Variants in NTM observed in about 807,000 individuals in gnomAD.
NTM encodes the protein neurotrimin.
A neutral mutation model predicts 42.1 loss-of-function variants in NTM; 13 were observed. That is an observed-to-expected ratio of 0.31 (90% CI 0.20 to 0.49). NTM has a LOEUF of 0.49. Ranked by LOEUF, NTM falls within the 20% of genes least tolerant of loss-of-function variation. NTM has a pLI of 0.99. For synonymous variants in NTM, 187 were observed against 179.2 expected, an observed-to-expected ratio of 1.04 and a Z score of -0.35; for missense variants, 373 against 452.8, an observed-to-expected ratio of 0.82 and a Z score of 1.60.
chr11:131,836,698 T>C (rs2043541856), intron 1 of NTM, among the ~76,000 whole-genome samples: 1 of 152,186 alleles, frequency 6.6e-6, no homozygotes, highest in Non-Finnish European at 1.5e-5. Flanking sequence ...TTGTTTACTT[T>C]AAATATGTGA....
chr11:131,566,451 C>G (rs199504636), intron 1 of NTM, among the ~76,000 whole-genome samples: 3 of 148,200 alleles, frequency 2.0e-5, no homozygotes, highest in East Asian at 4.0e-4. Flanking sequence ...GTGTGTGTGT[C>G]TGTGTGTGTG....
chr11:131,868,339 T>A (rs751413470), intron 1 of NTM, among the ~76,000 whole-genome samples: 2 of 152,102 alleles, frequency 1.3e-5, no homozygotes, highest in African/African-American at 4.8e-5. Context: ...TCCTGTCCAG[T>A]ACAGTCTTTG....
At position 132,170,867 on chromosome 11, in the gene NTM, A is replaced by G. The variant is rs2076016483; in HGVS notation, c.400+24353A>G. Among the ~76,000 whole-genome samples the G allele has an allele frequency of 2.6e-5, 4 of 152,312 alleles. No individual in the cohort carries two copies. The South Asian group carries it at 8.3e-4, about 32-fold the overall frequency. Reference sequence around the variant, plus strand: ...TTGGGAATAGGAAAATGAGTGATAAATGGTCCTTGACCTCATGATGGGGAT... The same window carrying G: ...TTGGGAATAGGAAAATGAGTGATAAGTGGTCCTTGACCTCATGATGGGGAT... On this transcript the variant is annotated intron_variant, in intron 3 of 8. Transcript: ENST00000683400.
chr11:131,932,069 G>A (rs1390839135), intron 2 of NTM, among the ~76,000 whole-genome samples: 1 of 152,196 alleles, frequency 6.6e-6, no homozygotes, highest in East Asian at 1.9e-4. Context: ...GGCAACGTCA[G>A]GTTCAATTTT....
intron 1 of NTM, among the ~76,000 whole-genome samples, chr11:131,378,219 C>T (rs1278017564): frequency 2.0e-5 from 3 of 152,186 alleles, no homozygotes; most frequent in African/African-American, 7.2e-5. Context: ...CCTCTAAAGC[C>T]ATCTGAACAT....
intron 1 of NTM, among the ~76,000 whole-genome samples, chr11:131,686,695 GA>G (rs2073923968): frequency 6.6e-6 from 1 of 152,240 alleles, no homozygotes; most frequent in Non-Finnish European, 1.5e-5. Flanking sequence ...ATCTGGTTCA[GA>G]AACTCCTCTA....
At chr11:132,313,207 T>C (rs1279959842) in intron 6 of NTM, among the ~76,000 whole-genome samples, 2 of 152,096 alleles carry the variant, frequency 1.3e-5, no homozygotes, top group Non-Finnish European at 2.9e-5. Context: ...GCAAGAGTCA[T>C]CTATGTCTAA....
At chr11:131,404,093 T>C (rs908745718) in intron 1 of NTM, among the ~76,000 whole-genome samples, 1 of 152,060 alleles carries the variant, frequency 6.6e-6, no homozygotes, top group African/African-American at 2.4e-5. Context: ...ACCTCCCTTC[T>C]TCCTTTAGCT....
rs143152293 is a variant in NTM at position 131,484,016 on chromosome 11, C to A, written c.82+113128C>A. 5.3e-5 allele frequency among the ~76,000 whole-genome samples: 8 copies of A among 152,270 alleles called. No individual in the cohort carries two copies. In the East Asian group the frequency reaches 1.5e-3, roughly 29 times the overall value. On this transcript the variant is annotated intron_variant, in intron 1 of 8. Coordinates refer to ENST00000683400, the MANE Select transcript of NTM (RefSeq NM_001352005.2). ...AACACAAACATCTCAATAGCCATGG[C>A]GCCCTAATTTTCTTTGTCGGAGACA...
At chr11:132,225,025 G>A (rs530434030) in intron 4 of NTM, among the ~76,000 whole-genome samples, 46 of 152,300 alleles carry the variant, frequency 3.0e-4, no homozygotes, top group African/African-American at 1.0e-3. Context: ...CTACAAAAAT[G>A]ATCATAACAA....
chr11:131,386,963 A>T (rs1418782751), intron 1 of NTM, among the ~76,000 whole-genome samples: 1 of 152,200 alleles, frequency 6.6e-6, no homozygotes, highest in African/African-American at 2.4e-5. Flanking sequence ...AATTAAAAAG[A>T]TATGTTTTTA....
chr11:131,979,881 G>A (rs1440464196), intron 2 of NTM, among the ~76,000 whole-genome samples: 1 of 152,196 alleles, frequency 6.6e-6, no homozygotes, highest in Non-Finnish European at 1.5e-5. Flanking sequence ...AGCCCTTTGT[G>A]AATATGTAGG....
intron 4 of NTM, among the ~76,000 whole-genome samples, chr11:132,216,816 T>C (rs1172514018): frequency 6.6e-6 from 1 of 152,236 alleles, no homozygotes; most frequent in Non-Finnish European, 1.5e-5. Flanking sequence ...CCTTCAGAAG[T>C]TGTCCTTCAC....
intron 1 of NTM, among the ~76,000 whole-genome samples, chr11:131,567,645 A>C (rs2057031201): frequency 1.3e-5 from 2 of 152,228 alleles, no homozygotes; most frequent in Admixed American, 1.3e-4. Context: ...CACAAACATT[A>C]AAAAATCTTC....
intron 2 of NTM, among the ~76,000 whole-genome samples, chr11:132,062,175 C>T (rs1438275757): frequency 1.3e-5 from 2 of 152,140 alleles, no homozygotes; most frequent in Middle Eastern, 3.2e-3. Flanking sequence ...AAAAAATTTA[C>T]CCTGAGGTCA....
chr11:132,103,674 A>G (rs1013547945), intron 2 of NTM, among the ~76,000 whole-genome samples: 2 of 152,132 alleles, frequency 1.3e-5, no homozygotes, highest in Non-Finnish European at 2.9e-5. Flanking sequence ...ACTTAACCCT[A>G]AAAGGGAAGG....
intron 3 of NTM, among the ~76,000 whole-genome samples, chr11:132,168,301 T>C (rs2075596119): frequency 6.6e-6 from 1 of 152,152 alleles, no homozygotes; most frequent in South Asian, 2.1e-4. Flanking sequence ...TCCAAATAGC[T>C]TGTGAGCCCA....
At chr11:131,604,158 T>C (rs560062254) in intron 1 of NTM, among the ~76,000 whole-genome samples, 21 of 152,292 alleles carry the variant, frequency 1.4e-4, no homozygotes, top group African/African-American at 5.1e-4. Flanking sequence ...TGTGTGAGGG[T>C]TCCAATTCTT....
intron 1 of NTM, chr11:131,662,219 G>A (rs1337190674): frequency 6.6e-6 from 1 of 152,178 alleles, no homozygotes; most frequent in Non-Finnish European, 1.5e-5. Context: ...CAAAGAGGGA[G>A]GATAAAAGAA....
Sources: allele counts gnomAD v4.1 joint callset (sites outside exome capture counted in the v4.1 genomes callset), GRCh38; gene constraint gnomAD v4.1.1; transcripts MANE v1.5; gene names NCBI Gene and HGNC (gene_info 2026-07-23, HGNC 2026-07-21).